The following GPHN variants were observed in gnomAD, a reference collection of about 807,000 sequenced individuals.
GPHN encodes gephyrin.
In GPHN, 17 loss-of-function variants were observed where a neutral mutation model predicts 95.5. That is an observed-to-expected ratio of 0.18 (90% CI 0.12 to 0.27). GPHN has a LOEUF of 0.27. GPHN is among the 10% of genes least tolerant of loss of function. The pLI, the probability that GPHN is intolerant of heterozygous loss-of-function variation, is 1.00. For synonymous variants in GPHN, 320 were observed against 322.5 expected (o/e 0.99, Z 0.08); for missense variants, 660 against 978.1 (o/e 0.67, Z 4.34).
At chr14:67,724,381 G>C in the GPHN span, 1 of 934,792 alleles carries the variant, frequency 1.1e-6, no homozygotes, top group Non-Finnish European at 1.7e-6. Flanking sequence ...CCTTCTTTGA[G>C]GCTGGATAGA....
the GPHN span, chr14:67,317,296 C>T: frequency 1.0e-6 from 1 of 962,190 alleles, no homozygotes. Context: ...GATCTCGTTT[C>T]TGCAAAAAAA....
chr14:66,798,831 T>G (rs1342969928), intron 3 of GPHN, among the ~76,000 whole-genome samples: 1 of 151,860 alleles, frequency 6.6e-6, no homozygotes, highest in African/African-American at 2.4e-5. Flanking sequence ...TCTCCTCTGA[T>G]CTTTATTTCT....
intron 4 of GPHN, among the ~76,000 whole-genome samples, chr14:66,855,888 T>G (rs2062783467): frequency 6.6e-6 from 1 of 152,170 alleles, no homozygotes; most frequent in Non-Finnish European, 1.5e-5. Flanking sequence ...GAAATGTTAT[T>G]CCAAGCCTGA....
At chr14:67,697,394 A>G in the GPHN span, among the ~76,000 whole-genome samples, 3 of 152,184 alleles carry the variant, frequency 2.0e-5, no homozygotes, top group Non-Finnish European at 4.4e-5. Flanking sequence ...GAAAGACCCC[A>G]CCTGAGGGTT....
At chr14:67,156,788 C>T (rs987173734) in intron 18 of GPHN, among the ~76,000 whole-genome samples, 3 of 151,876 alleles carry the variant, frequency 2.0e-5, no homozygotes, top group Non-Finnish European at 4.4e-5. Flanking sequence ...ACCAGCCTAA[C>T]CAACGTAATG....
the GPHN span, among the ~76,000 whole-genome samples, chr14:67,606,007 A>T: frequency 6.6e-6 from 1 of 152,158 alleles, no homozygotes; most frequent in Non-Finnish European, 1.5e-5. Flanking sequence ...TATTTTGTAT[A>T]CTTTTTCTCA....
chr14:67,193,965 C>CAAAAAAAA, the GPHN span, among the ~76,000 whole-genome samples: 55 of 131,130 alleles, frequency 4.2e-4, no homozygotes, highest in African/African-American at 1.4e-3. Flanking sequence ...AAAAAAAAAA[C>CAAAAAAAA]GAAAAACAAA....
chr14:66,540,770 T>G (rs1337202910), intron 1 of GPHN, among the ~76,000 whole-genome samples: 1 of 152,108 alleles, frequency 6.6e-6, no homozygotes, highest in African/African-American at 2.4e-5. Flanking sequence ...TATAAAATAT[T>G]TTTACTTATT....
intron 11 of GPHN, among the ~76,000 whole-genome samples, chr14:67,082,492 A>G (rs1024203218): frequency 1.3e-5 from 2 of 152,136 alleles, no homozygotes; most frequent in African/African-American, 2.4e-5. Flanking sequence ...ATTGATCTAT[A>G]TGTCTGTTTA....
the GPHN span, among the ~76,000 whole-genome samples, chr14:67,288,371 C>G: frequency 6.6e-6 from 1 of 152,064 alleles, no homozygotes; most frequent in Non-Finnish European, 1.5e-5. Flanking sequence ...CATGACCCAC[C>G]GCACCCAGCC....
At chr14:67,373,546 A>G in the GPHN span, among the ~76,000 whole-genome samples, 1 of 152,260 alleles carries the variant, frequency 6.6e-6, no homozygotes, top group Non-Finnish European at 1.5e-5. Context: ...GCTGTCCTCC[A>G]GTATTGAGAA....
At chr14:67,422,981 G>A in the GPHN span, among the ~76,000 whole-genome samples, 5 of 151,900 alleles carry the variant, frequency 3.3e-5, no homozygotes, top group South Asian at 2.1e-4. Flanking sequence ...ACAGGCATGC[G>A]CCACCATGCC....
chr14:66,541,437 TA>T (rs2059349078), intron 1 of GPHN, among the ~76,000 whole-genome samples: 1 of 152,282 alleles, frequency 6.6e-6, no homozygotes, highest in Non-Finnish European at 1.5e-5. Context: ...TATTTTGACC[TA>T]AATATATTTC....
intron 1 of GPHN, among the ~76,000 whole-genome samples, chr14:66,623,051 T>A (rs2063372116): frequency 6.6e-6 from 1 of 152,066 alleles, no homozygotes; most frequent in South Asian, 2.1e-4. Context: ...ACTGGGCAAT[T>A]TATAAAAGAA....
chr14:66,922,227 T>G (rs1026790038), intron 6 of GPHN, among the ~76,000 whole-genome samples: 2 of 150,284 alleles, frequency 1.3e-5, no homozygotes, highest in East Asian at 3.9e-4. Flanking sequence ...TAATTTAAAC[T>G]AAGGAGCTTT....
At chr14:66,996,445 A>G (rs746045468) in intron 9 of GPHN, among the ~76,000 whole-genome samples, 1 of 152,286 alleles carries the variant, frequency 6.6e-6, no homozygotes, top group East Asian at 1.9e-4. Flanking sequence ...CAGTCACTAC[A>G]TCACATTGAA....
chr14:66,895,007 G>GGT (rs1232809299), intron 5 of GPHN, among the ~76,000 whole-genome samples: 1 of 152,048 alleles, frequency 6.6e-6, no homozygotes, highest in Non-Finnish European at 1.5e-5. Flanking sequence ...CCCATTACTG[G>GGT]GTATATACCC....
At chr14:67,134,740 G>A (rs568425399) in intron 17 of GPHN, among the ~76,000 whole-genome samples, 7 of 151,672 alleles carry the variant, frequency 4.6e-5, no homozygotes, top group African/African-American at 7.3e-5. Flanking sequence ...ATCAAATCCC[G>A]TTTTGACATT....
chr14:67,253,530 A>T, the GPHN span, among the ~76,000 whole-genome samples: 1 of 152,186 alleles, frequency 6.6e-6, no homozygotes, highest in East Asian at 1.9e-4. Flanking sequence ...TTCACTACAC[A>T]TTTTTAAATA....
Sources: allele counts gnomAD v4.1 joint callset (sites outside exome capture counted in the v4.1 genomes callset), GRCh38; gene constraint gnomAD v4.1.1; transcripts MANE v1.5; gene names NCBI Gene and HGNC (gene_info 2026-07-23, HGNC 2026-07-21).